The following PCMTD1 variants were observed in gnomAD, a reference collection of about 807,000 sequenced individuals.
The protein encoded by PCMTD1 is protein-L-isoaspartate (D-aspartate) O-methyltransferase domain containing 1, also known as protein-L-isoaspartate O-methyltransferase domain-containing protein 1.
PCMTD1 carries 12 observed loss-of-function variants against 37.6 expected under a neutral mutation model. The ratio of observed to expected loss-of-function variants is 0.32; its 90% confidence interval spans 0.20 to 0.52. The LOEUF (loss-of-function observed/expected upper bound fraction) is 0.52. PCMTD1 is among the 20% of genes least tolerant of loss of function. The pLI, the probability that PCMTD1 is intolerant of heterozygous loss-of-function variation, is 0.97. For synonymous variants in PCMTD1, 117 were observed against 135.8 expected, an observed-to-expected ratio of 0.86 and a Z score of 0.96; for missense variants, 235 against 421.3, an observed-to-expected ratio of 0.56 and a Z score of 3.87.
intron 1 of PCMTD1, among the ~76,000 whole-genome samples, chr8:51,872,462 T>A (rs953823581): frequency 1.3e-5 from 2 of 152,216 alleles, no homozygotes; most frequent in African/African-American, 4.8e-5. Flanking sequence ...TTATGGGAAC[T>A]GCAGCCTAGA....
At chr8:51,882,774 C>T (rs945726158) in intron 1 of PCMTD1, among the ~76,000 whole-genome samples, 2 of 142,092 alleles carry the variant, frequency 1.4e-5, no homozygotes, top group East Asian at 2.1e-4. Flanking sequence ...GGAGAGAAAA[C>T]GCAAGTCTTT....
intron 1 of PCMTD1, among the ~76,000 whole-genome samples, chr8:51,877,565 G>A (rs1376701204): frequency 6.7e-6 from 1 of 149,146 alleles, no homozygotes; most frequent in Non-Finnish European, 1.5e-5. Flanking sequence ...ACAGGTCTTT[G>A]AATTAATTTT....
intron 2 of PCMTD1, chr8:51,849,812 C>T (rs2038279036): frequency 2.1e-6 from 1 of 472,006 alleles, no homozygotes; most frequent in Admixed American, 3.8e-5. Context: ...AGTGTCTATG[C>T]AATACCAATA....
chr8:51,898,849 G>T, intron 1 of PCMTD1, 81 bp downstream of exon 1: 2 of 1,209,750 alleles, frequency 1.7e-6, no homozygotes, highest in South Asian at 3.7e-5. Flanking sequence ...GCCTCCAAGC[G>T]CATCCCAGTC....
chr8:51,840,185 G>T (rs2038125803), intron 3 of PCMTD1, among the ~76,000 whole-genome samples: 1 of 152,074 alleles, frequency 6.6e-6, no homozygotes, highest in Admixed American at 6.6e-5. Flanking sequence ...AAGCATCAGA[G>T]AAATTCATAG....
intron 1 of PCMTD1, chr8:51,870,516 G>T (rs1033876434): frequency 6.6e-6 from 1 of 152,190 alleles, no homozygotes; most frequent in African/African-American, 2.4e-5. Flanking sequence ...ATTCAATGAT[G>T]AATACAAATC....
chr8:51,845,596 G>C, intron 3 of PCMTD1, 65 bp downstream of exon 3: 1 of 1,126,228 alleles, frequency 8.9e-7, no homozygotes, highest in African/African-American at 1.5e-5. Flanking sequence ...TAGTGTTCAA[G>C]AATAGACATG....
intron 5 of PCMTD1, among the ~76,000 whole-genome samples, chr8:51,822,179 C>T (rs1227687595): frequency 2.0e-5 from 3 of 151,922 alleles, no homozygotes; most frequent in Non-Finnish European, 2.9e-5. Flanking sequence ...TCCAAGGAGC[C>T]GAAGGAAGAC....
Position 51,820,259 on chromosome 8 carries a change from G to T in PCMTD1, c.*92C>A. On this transcript the variant is annotated 3_prime_UTR_variant, in exon 6 of 6. Coordinates refer to ENST00000522514, the MANE Select transcript of PCMTD1 (RefSeq NM_052937.4). ...TTTTTCCACTATAATTTGCTCTGAT[G>T]AAAGAAATAATTCTCTCTTTTAACT... The T allele has an allele frequency of 2.4e-6, 3 of 1,225,144 alleles. No homozygotes were observed. The highest frequency in any genetic ancestry group is 2.1e-5 in the South Asian group (1 of 48,182). The allele number at this position is 1,225,144 out of a possible 1,614,324, so 75.9% of individuals were successfully genotyped here.
chr8:51,818,167 T>A lies in PCMTD1; in HGVS notation c.*2184A>T, dbSNP rs1444811694. On this transcript the variant is annotated 3_prime_UTR_variant, in exon 6 of 6. Transcript: ENST00000522514. ...TAGATAAAAAGGCTTTAGCTTTAAT[T>A]TTCATTTTTCATTTCTACCTCTTAA... 9.6e-6 allele frequency: 3 copies of A among 312,380 alleles called. No individual in the cohort carries two copies. The highest frequency in any genetic ancestry group is 1.9e-5 in the Non-Finnish European group (3 of 161,084). The allele number at this position is 312,380 out of a possible 1,614,324, so 19.4% of individuals were successfully genotyped here.
intron 1 of PCMTD1, among the ~76,000 whole-genome samples, chr8:51,895,406 T>C (rs935626832): frequency 6.6e-6 from 1 of 152,228 alleles, no homozygotes; most frequent in African/African-American, 2.4e-5. Flanking sequence ...GAGTGCTCAG[T>C]AGAAAACACA....
At chr8:51,822,935 T>C (rs527899899) in intron 5 of PCMTD1, among the ~76,000 whole-genome samples, 1 of 152,358 alleles carries the variant, frequency 6.6e-6, no homozygotes, top group East Asian at 1.9e-4. Flanking sequence ...CTGTTACTGG[T>C]ATTCTCTGTC....
intron 1 of PCMTD1, among the ~76,000 whole-genome samples, chr8:51,891,569 C>T (rs1390262048): frequency 1.3e-5 from 2 of 148,780 alleles, no homozygotes; most frequent in South Asian, 4.3e-4. Flanking sequence ...AAAAAGAAAA[C>T]AAAAAAACAC....
At chr8:51,859,590 G>A (rs933172369) in intron 2 of PCMTD1, among the ~76,000 whole-genome samples, 7 of 152,156 alleles carry the variant, frequency 4.6e-5, no homozygotes, top group African/African-American at 1.7e-4. Flanking sequence ...TAGCTAGTGT[G>A]TAGGGAGGAA....
chr8:51,848,305 A>AAG (rs1451497878), intron 2 of PCMTD1, among the ~76,000 whole-genome samples: 2 of 151,678 alleles, frequency 1.3e-5, no homozygotes, highest in Non-Finnish European at 1.5e-5. Context: ...AAAAAAAGAG[A>AAG]AGAGAGAGAG....
intron 2 of PCMTD1, among the ~76,000 whole-genome samples, chr8:51,859,098 C>G (rs1037079356): frequency 6.6e-6 from 1 of 152,128 alleles, no homozygotes; most frequent in African/African-American, 2.4e-5. Flanking sequence ...TCCCTCAGCA[C>G]GAGCCAGTTG....
intron 4 of PCMTD1, among the ~76,000 whole-genome samples, chr8:51,833,273 G>A (rs1031289326): frequency 6.6e-6 from 1 of 152,216 alleles, no homozygotes; most frequent in Non-Finnish European, 1.5e-5. Flanking sequence ...ACCAGGCACA[G>A]GGAGTAGCTG....
At chr8:51,847,946 T>C (rs989510719) in intron 2 of PCMTD1, among the ~76,000 whole-genome samples, 3 of 152,148 alleles carry the variant, frequency 2.0e-5, no homozygotes, top group Admixed American at 2.0e-4. Context: ...CCGGGCTTAG[T>C]GGTGCATGCC....
chr8:51,893,372 T>C (rs1372530749), intron 1 of PCMTD1, among the ~76,000 whole-genome samples: 1 of 152,194 alleles, frequency 6.6e-6, no homozygotes, highest in Non-Finnish European at 1.5e-5. Context: ...TGAAATTTCA[T>C]ATGAACTCTT....
Sources: gnomAD v4.1 joint callset for allele counts (sites outside exome capture counted in the v4.1 genomes callset) on GRCh38, gnomAD v4.1.1 for gene constraint, MANE v1.5 for transcripts, NCBI Gene and HGNC (gene_info 2026-07-23, HGNC 2026-07-21) for gene names.